Variants in CAPS2 observed in about 807,000 individuals in gnomAD.
The protein encoded by CAPS2 is calcyphosine 2, also known as calcyphosin-2.
Under a neutral mutation model 86.5 loss-of-function variants are expected in CAPS2, and 98 were observed. The observed-to-expected ratio is 1.13, with a 90% confidence interval of 0.96 to 1.34. The LOEUF is 1.34. Among genes scored for constraint, CAPS2 ranks in the 40% most tolerant of loss-of-function variants. CAPS2 has a pLI of 0.00. For missense variants in CAPS2, 729 were observed against 686.8 expected, an observed-to-expected ratio of 1.06 and a Z score of -0.69; for synonymous variants, 210 against 225.1, an observed-to-expected ratio of 0.93 and a Z score of 0.60.
chr12:75,364,431 C>T (rs2139635737), intron 1 of CAPS2, among the ~76,000 whole-genome samples: 1 of 152,346 alleles, frequency 6.6e-6, no homozygotes, highest in African/African-American at 2.4e-5. Context: ...GTCAGGGTGG[C>T]ATGGCTGCCT....
chr12:75,347,049 A>G (rs1055053409), intron 1 of CAPS2, among the ~76,000 whole-genome samples: 10 of 151,486 alleles, frequency 6.6e-5, no homozygotes, highest in Non-Finnish European at 1.3e-4. Context: ...CTTCCTTTTG[A>G]ATAACTTTGC....
At chr12:75,370,175 A>T in intron 1 of CAPS2, 1 of 1,432,056 alleles carries the variant, frequency 7.0e-7, no homozygotes, top group Non-Finnish European at 9.8e-7. Flanking sequence ...AGAATCTTTT[A>T]ATGTCATTTA....
chr12:75,334,530 G>C, upstream of CAPS2: 5 of 1,394,630 alleles, frequency 3.6e-6, no homozygotes, highest in Non-Finnish European at 4.6e-6. Context: ...GTAGCTCAGA[G>C]CTTTGTGGAA....
intron 5 of CAPS2, among the ~76,000 whole-genome samples, chr12:75,319,552 C>T (rs2138963455): frequency 6.6e-6 from 1 of 152,210 alleles, no homozygotes; most frequent in East Asian, 1.9e-4. Context: ...CAAATAAACC[C>T]TTCTTTCTTT....
In CAPS2 at chr12:75,285,082, T is replaced by C. The variant is rs777531842; in HGVS notation, c.1396-2A>G. On this transcript the variant is annotated splice_acceptor_variant, in intron 14 of 16. Transcript: ENST00000393284. LOFTEE classifies it high-confidence loss of function. ...AATTAGCCATGCAGACTCAAAATCC[T>C]AGAAACAATCAGAGATAACTGTTGC... is the stretch of plus-strand genomic sequence containing the variant. 2.1e-5 allele frequency: 34 copies of C among 1,604,434 alleles called. No individual in the cohort carries two copies. The highest frequency in any genetic ancestry group is 2.7e-5 in the African/African-American group (2 of 74,504).
intron 1 of CAPS2, among the ~76,000 whole-genome samples, chr12:75,354,181 C>A (rs2042999759): frequency 6.7e-6 from 1 of 149,626 alleles, no homozygotes; most frequent in African/African-American, 2.5e-5. Flanking sequence ...GGGGGGTATT[C>A]AAATAGGAAA....
At chr12:75,374,210 G>A (rs904080533) in intron 1 of CAPS2, among the ~76,000 whole-genome samples, 1 of 152,196 alleles carries the variant, frequency 6.6e-6, no homozygotes, top group African/African-American at 2.4e-5. Flanking sequence ...CCAAATGGCA[G>A]AGAAGCTTGC....
Position 75,285,023 on chromosome 12 carries a change from CA to C in CAPS2, c.1452del (p.Tyr484Ter). 6.2e-7 allele frequency: 1 copy of C among 1,610,522 alleles called. No homozygotes were observed. Among genetic ancestry groups the C allele is most frequent in the African/African-American group, 1.3e-5 (1 of 74,838 alleles). ...CCAATAATACCACGTTTGAATTCTC[CA>C]TAATCAACCTTGCCATTGCCATTGT... On this transcript the variant is annotated frameshift_variant, in exon 15 of 17. Transcript: ENST00000393284. LOFTEE classifies it high-confidence loss of function.
At chr12:75,287,400 C>T (rs2035082055) in intron 14 of CAPS2, among the ~76,000 whole-genome samples, 1 of 152,012 alleles carries the variant, frequency 6.6e-6, no homozygotes, top group Non-Finnish European at 1.5e-5. Flanking sequence ...AGGGGTCCTG[C>T]CCCCACCATG....
At position 75,359,357 on chromosome 12, in the gene CAPS2, C is replaced by CTTTTTTTTTTTTT. The variant is rs61616225; in HGVS notation, c.-395+31468_-395+31480dup. 4.5e-4 allele frequency among the ~76,000 whole-genome samples: 13 copies of CTTTTTTTTTTTTT among 28,586 alleles called. 2 individuals are homozygous for CTTTTTTTTTTTTT. Among genetic ancestry groups the CTTTTTTTTTTTTT allele is most frequent in the Admixed American group, 9.7e-4 (2 of 2,070 alleles). The allele number at this position is 28,586 out of a possible 152,430, so 18.8% of individuals were successfully genotyped here. On this transcript the variant is annotated intron_variant, in intron 1 of 5. Coordinates refer to the CAPS2 transcript ENST00000551829. ...GAGTTAGAAGACTCAGCATTGTTGT[C>CTTTTTTTTTTTTT]TTTTTTTTTTTTTTTTTTTTTTTTT...
At chr12:75,381,936 C>T (rs187091181) in intron 1 of CAPS2, among the ~76,000 whole-genome samples, 24 of 152,246 alleles carry the variant, frequency 1.6e-4, no homozygotes, top group Non-Finnish European at 3.1e-4. Flanking sequence ...GAATGGCTCC[C>T]TGTGCATCTG....
At chr12:75,314,594 A>T (rs146272924) in intron 6 of CAPS2, among the ~76,000 whole-genome samples, 2 of 152,288 alleles carry the variant, frequency 1.3e-5, no homozygotes, top group Admixed American at 1.3e-4. Context: ...AAAATGTTTA[A>T]AAATTAGCAC....
At chr12:75,374,111 T>C (rs765401976) in intron 1 of CAPS2, among the ~76,000 whole-genome samples, 6 of 152,202 alleles carry the variant, frequency 3.9e-5, no homozygotes, top group Non-Finnish European at 8.8e-5. Context: ...CTACTGTGAT[T>C]CACCTATGGG....
At chr12:75,350,450 C>T (rs2042732009) in intron 1 of CAPS2, among the ~76,000 whole-genome samples, 1 of 152,158 alleles carries the variant, frequency 6.6e-6, no homozygotes, top group Admixed American at 6.5e-5. Context: ...TTCTGGCGGG[C>T]ATCAGGTCAA....
rs1277976348 is a variant in CAPS2, at chr12:75,282,354, A to C, written c.1516-7T>G. The C allele has an allele frequency of 6.6e-7, 1 of 1,524,076 alleles. No homozygotes were observed. The highest frequency in any genetic ancestry group is 9.1e-7 in the Non-Finnish European group (1 of 1,098,672). The allele number at this position is 1,524,076 out of a possible 1,614,324, so 94.4% of individuals were successfully genotyped here. Reference sequence around the variant, plus strand: ...AATCCAGTTTCATAAAGGCCTAAACAGACAAATATTATTATTATTAGTTTG... The same window carrying C: ...AATCCAGTTTCATAAAGGCCTAAACCGACAAATATTATTATTATTAGTTTG... On this transcript the variant is annotated splice_polypyrimidine_tract_variant and splice_region_variant and intron_variant, in intron 15 of 16. Transcript: ENST00000393284.
intron 1 of CAPS2, among the ~76,000 whole-genome samples, chr12:75,337,570 T>C (rs538162538): frequency 6.6e-6 from 1 of 152,092 alleles, no homozygotes; most frequent in South Asian, 2.1e-4. Context: ...GTTTATTGAA[T>C]GATTACTAGT....
intron 1 of CAPS2, chr12:75,371,584 T>C: frequency 5.0e-6 from 1 of 198,440 alleles, no homozygotes; most frequent in South Asian, 6.1e-5. Context: ...ATAAAGACAA[T>C]AATAAGGTTA....
In CAPS2 at chr12:75,390,837, C is replaced by G. The variant is rs976490496; in HGVS notation, c.-395+1G>C. ...TAGTTTAGTGAAAAGGGCTTACTCA[C>G]GTAACACAAGTCTTTCTTTAGTTTG... On this transcript the variant is annotated splice_donor_variant, in intron 1 of 5. Transcript: ENST00000551829. LOFTEE classifies it low-confidence loss of function (5UTR_SPLICE). 1 of 634,572 alleles carries G rather than the reference C, an allele frequency of 1.6e-6. No homozygotes were observed. 39.3% of individuals were successfully genotyped at this position (634,572 alleles called of 1,614,324 possible).
intron 14 of CAPS2, among the ~76,000 whole-genome samples, chr12:75,287,087 C>T (rs1325779698): frequency 6.6e-6 from 1 of 150,660 alleles, no homozygotes; most frequent in Non-Finnish European, 1.5e-5. Flanking sequence ...CACAAACACA[C>T]ACATATATAT....
Sources: gnomAD v4.1 joint callset for allele counts (sites outside exome capture counted in the v4.1 genomes callset) on GRCh38, gnomAD v4.1.1 for gene constraint, MANE v1.5 for transcripts, NCBI Gene and HGNC (gene_info 2026-07-23, HGNC 2026-07-21) for gene names.